The following CUL5 variants were observed in gnomAD, a reference collection of about 807,000 sequenced individuals.
The protein encoded by CUL5 is cullin 5, also known as cullin-5.
CUL5 carries 26 observed loss-of-function variants against 108.8 expected under a neutral mutation model. The ratio of observed to expected loss-of-function variants is 0.24; its 90% CI spans 0.18 to 0.33. The LOEUF (loss-of-function observed/expected upper bound fraction) is 0.33. CUL5 is among the 10% of genes least tolerant of loss of function. The pLI is 1.00. For synonymous variants in CUL5, 334 were observed against 298.0 expected (o/e 1.12, Z -1.25); for missense variants, 524 against 909.2 (o/e 0.58, Z 5.45).
intron 2 of CUL5, among the ~76,000 whole-genome samples, chr11:108,043,217 G>A (rs575698531): frequency 1.3e-5 from 2 of 152,308 alleles, no homozygotes; most frequent in South Asian, 2.1e-4. Flanking sequence ...CTACAGGCAT[G>A]TGCCACCATG....
At chr11:108,073,188 C>A (rs1268209358) in intron 9 of CUL5, among the ~76,000 whole-genome samples, 10 of 146,220 alleles carry the variant, frequency 6.8e-5, no homozygotes, top group Admixed American at 2.8e-4. Context: ...GGCGACAGAT[C>A]GAGACTCCGT....
intron 11 of CUL5, 104 bp from the exon 12 acceptor site, chr11:108,088,423 G>A: frequency 7.9e-7 from 1 of 1,272,314 alleles, no homozygotes. Flanking sequence ...CTGATCACTA[G>A]ATTATTTAAC....
intron 13 of CUL5, among the ~76,000 whole-genome samples, chr11:108,091,618 G>A (rs1864361403): frequency 6.6e-6 from 1 of 151,544 alleles, no homozygotes; most frequent in South Asian, 2.1e-4. Flanking sequence ...GAGCCTGTGA[G>A]GTGGAGGTTG....
chr11:108,038,806 C>T (rs1862813342), intron 2 of CUL5, among the ~76,000 whole-genome samples: 1 of 152,072 alleles, frequency 6.6e-6, no homozygotes, highest in Admixed American at 6.6e-5. Context: ...CATATTTTGG[C>T]CATGTTAATC....
chr11:108,091,695 TCACACACACA>T (rs71303233), intron 13 of CUL5, among the ~76,000 whole-genome samples: 54 of 138,188 alleles, frequency 3.9e-4, no homozygotes, highest in East Asian at 6.6e-4. Context: ...TCTCTCTCAC[TCACACACACA>T]CACACACACA....
Position 108,107,231 on chromosome 11 carries a change from G to A in CUL5, c.*2847G>A, listed in dbSNP as rs1864824815. The A allele has an allele frequency of 6.6e-6, 1 of 151,910 alleles. No homozygotes were observed. The highest frequency in any genetic ancestry group is 2.4e-5 in the African/African-American group (1 of 41,324). The allele number at this position is 151,910 out of a possible 1,614,324, so 9.4% of individuals were successfully genotyped here. On this transcript the variant is annotated 3_prime_UTR_variant, in exon 19 of 19. Transcript: ENST00000393094. ...TAAACCTTCCAAAAATGAAATGTTA[G>A]CTTTCTTTCTTTTACTTTTTATTAA...
rs530386977 is a variant in CUL5 at position 108,097,442 on chromosome 11, C to G, written c.1906-194C>G. ...CTTACTGTAAAGAGAGCATTTATTG[C>G]TTTCTCATAACCAACTCTTTTCACC... On this transcript the variant is annotated intron_variant, in intron 16 of 18. Transcript: ENST00000393094. 2.6e-5 allele frequency among the ~76,000 whole-genome samples: 4 copies of G among 152,278 alleles called. No individual in the cohort carries two copies. The East Asian group carries it at 7.7e-4, about 29-fold the overall frequency.
chr11:108,073,346 T>C (rs1027148691), intron 9 of CUL5, 44 bp from the exon 10 acceptor site: 31 of 861,854 alleles, frequency 3.6e-5, no homozygotes, highest in Admixed American at 5.2e-5. Context: ...TTTTGTGTTA[T>C]TCTTTTTCTT....
intron 1 of CUL5, among the ~76,000 whole-genome samples, chr11:108,019,049 A>T (rs942848358): frequency 2.0e-5 from 3 of 152,188 alleles, no homozygotes; most frequent in Admixed American, 6.5e-5. Context: ...ACAGTATAGC[A>T]GCTGTTAGCA....
chr11:108,085,216 G>A (rs545484124), intron 11 of CUL5, among the ~76,000 whole-genome samples: 70 of 152,268 alleles, frequency 4.6e-4, no homozygotes, highest in African/African-American at 1.6e-3. Flanking sequence ...AAAGTATGCT[G>A]TATCCATACA....
At chr11:108,099,005 C>CCT (rs35086457) in intron 18 of CUL5, among the ~76,000 whole-genome samples, 1 of 133,150 alleles carries the variant, frequency 7.5e-6, no homozygotes, top group African/African-American at 2.8e-5. Context: ...GGCCAGTGTA[C>CCT]TTTTTTTTTT....
Position 108,049,935 on chromosome 11 carries a change from A to T in CUL5, c.280A>T (p.Ile94Phe), listed in dbSNP as rs762168561. The T allele has an allele frequency of 6.2e-7, 1 of 1,613,832 alleles. No individual in the cohort carries two copies. The highest frequency in any genetic ancestry group is 1.7e-5 in the Admixed American group (1 of 59,994). Residue 94 changes from isoleucine to phenylalanine, a missense_variant, in exon 4 of 19, where the codon ATT (isoleucine) becomes TTT (phenylalanine). Ile to Phe is a conservative substitution (Grantham distance 21). Around this residue, in one of 8 missense-constraint regions of CUL5, gnomAD observed 170 missense variants for 305.1 expected, o/e 0.56. Coordinates refer to ENST00000393094, the MANE Select transcript of CUL5 (RefSeq NM_003478.6). ...QDDTALLKAY[I>F]VEWRKFFTQC... ...TGATACGGCTTTGCTAAAAGCATATATTGTTGAATGGCGAAAGTTCTTTAC... is the reference window on the plus strand; with the variant it reads ...TGATACGGCTTTGCTAAAAGCATATTTTGTTGAATGGCGAAAGTTCTTTAC...
intron 18 of CUL5, among the ~76,000 whole-genome samples, chr11:108,102,733 G>A (rs1437963343): frequency 6.6e-6 from 1 of 152,132 alleles, no homozygotes; most frequent in Non-Finnish European, 1.5e-5. Context: ...ATTTTTAAAC[G>A]TTAAAAGCAA....
chr11:108,031,165 C>T (rs564310816), intron 1 of CUL5, among the ~76,000 whole-genome samples: 6 of 151,966 alleles, frequency 3.9e-5, no homozygotes, highest in Admixed American at 2.6e-4. Flanking sequence ...TCCAGGAGTT[C>T]GAGACCAGCC....
intron 1 of CUL5, among the ~76,000 whole-genome samples, chr11:108,030,568 C>G (rs993307003): frequency 2.0e-5 from 3 of 152,136 alleles, no homozygotes; most frequent in Non-Finnish European, 4.4e-5. Flanking sequence ...ACCCGGGAGG[C>G]GGAGGTTGCG....
intron 8 of CUL5, among the ~76,000 whole-genome samples, chr11:108,070,621 A>AG (rs1213218628): frequency 1.4e-4 from 1 of 7,214 alleles, no homozygotes; most frequent in Non-Finnish European, 7.8e-3. Context: ...AGATTTCTAA[A>AG]GGATTTTTTT....
At chr11:108,072,062 C>T (rs1863838366) in intron 8 of CUL5, among the ~76,000 whole-genome samples, 1 of 151,912 alleles carries the variant, frequency 6.6e-6, no homozygotes, top group South Asian at 2.1e-4. Context: ...GCCTGTGGTC[C>T]CAGCTACTCA....
chr11:108,032,343 C>CA (rs1233578729), intron 1 of CUL5, among the ~76,000 whole-genome samples: 3 of 151,862 alleles, frequency 2.0e-5, no homozygotes, highest in East Asian at 1.9e-4. Flanking sequence ...CCCATCTCTA[C>CA]AAAAAAATAC....
chr11:108,045,445 T>G (rs1446784969), intron 2 of CUL5, among the ~76,000 whole-genome samples: 1 of 151,982 alleles, frequency 6.6e-6, no homozygotes, highest in Admixed American at 6.6e-5. Context: ...TTTAAAAAAC[T>G]AGACAGGTGC....
Sources: gnomAD v4.1 joint callset for allele counts (sites outside exome capture counted in the v4.1 genomes callset) on GRCh38, gnomAD v4.1.1 for gene constraint, gnomAD v4.1.1 regional missense constraint, MANE v1.5 for transcripts, NCBI Gene and HGNC (gene_info 2026-07-23, HGNC 2026-07-21) for gene names.